The following PRKCE variants were observed in gnomAD, a reference collection of about 807,000 sequenced individuals.
PRKCE encodes protein kinase C epsilon type.
PRKCE carries 16 observed loss-of-function variants against 85.4 expected under a neutral mutation model. The observed-to-expected ratio is 0.19, with a 90% CI of 0.13 to 0.28. The LOEUF is 0.28. Among genes scored for constraint, PRKCE ranks in the 10% least tolerant of loss-of-function variants. The probability of loss-of-function intolerance (pLI) is 1.00; values close to 1 mark genes in which losing one functional copy is unlikely to be tolerated. For synonymous variants in PRKCE, 388 were observed against 371.5 expected (o/e 1.04, Z -0.51); for missense variants, 573 against 975.2 (o/e 0.59, Z 5.49).
At chr2:45,804,339 A>G (rs1484932777) in intron 1 of PRKCE, among the ~76,000 whole-genome samples, 1 of 152,108 alleles carries the variant, frequency 6.6e-6, no homozygotes, top group African/African-American at 2.4e-5. Flanking sequence ...TTTAAAAACC[A>G]CCAGTGTGCA....
intron 1 of PRKCE, among the ~76,000 whole-genome samples, chr2:45,746,224 T>C (rs1192889948): frequency 2.0e-5 from 3 of 152,082 alleles, no homozygotes; most frequent in Non-Finnish European, 4.4e-5. Context: ...TTCCTATATA[T>C]TGATAATTAT....
At chr2:46,057,536 G>A (rs549197883) in intron 10 of PRKCE, among the ~76,000 whole-genome samples, 1 of 151,772 alleles carries the variant, frequency 6.6e-6, no homozygotes, top group Admixed American at 6.6e-5. Flanking sequence ...CCAGGTTCAA[G>A]CTATCATCCT....
chr2:45,688,833 C>A (rs1471222769), intron 1 of PRKCE, among the ~76,000 whole-genome samples: 2 of 152,214 alleles, frequency 1.3e-5, no homozygotes, highest in African/African-American at 4.8e-5. Context: ...TGCAAGTGCT[C>A]CTTGTCCTTG....
rs115771966 is a variant in PRKCE at position 45,803,014 on chromosome 2, G to A, written c.349-39986G>A. ...TTAGATTGGAGCCATTTGGCTCACAGTATGAAAGGTATAGACACGTATTTT... is the reference window on the plus strand; with the variant it reads ...TTAGATTGGAGCCATTTGGCTCACAATATGAAAGGTATAGACACGTATTTT... On this transcript the variant is annotated intron_variant, in intron 1 of 14. Transcript: ENST00000306156. Among the ~76,000 whole-genome samples, 616 of 152,294 alleles carry A rather than the reference G, an allele frequency of 4.0e-3. 4 individuals carry two copies. The highest frequency in any genetic ancestry group is 0.014 in the African/African-American group (593 of 41,552).
At chr2:45,688,917 G>A (rs2104027354) in intron 1 of PRKCE, among the ~76,000 whole-genome samples, 1 of 152,326 alleles carries the variant, frequency 6.6e-6, no homozygotes, top group East Asian at 1.9e-4. Flanking sequence ...CAAATCGTTG[G>A]TTGCTCATCC....
chr2:46,062,200 T>A (rs1021016407), intron 10 of PRKCE, among the ~76,000 whole-genome samples: 20 of 152,174 alleles, frequency 1.3e-4, no homozygotes, highest in Admixed American at 2.0e-4. Flanking sequence ...TCCTGCTGGA[T>A]ATAAAGCCCT....
chr2:46,053,788 T>C (rs1666293834), intron 10 of PRKCE, among the ~76,000 whole-genome samples: 1 of 152,138 alleles, frequency 6.6e-6, no homozygotes, highest in African/African-American at 2.4e-5. Flanking sequence ...GGGTTGCTTC[T>C]GCATTTTTGC....
chr2:45,939,582 G>A (rs1012892682), intron 2 of PRKCE, among the ~76,000 whole-genome samples: 24 of 150,932 alleles, frequency 1.6e-4, no homozygotes, highest in Non-Finnish European at 1.8e-4. Flanking sequence ...TTGAGAAGGC[G>A]TCTCACTCTA....
intron 2 of PRKCE, among the ~76,000 whole-genome samples, chr2:45,859,076 A>G (rs2105633169): frequency 6.7e-6 from 1 of 150,182 alleles, no homozygotes; most frequent in South Asian, 2.1e-4. Context: ...AAATAAATAA[A>G]TAAATAAATA....
intron 2 of PRKCE, among the ~76,000 whole-genome samples, chr2:45,878,635 A>T (rs980337259): frequency 2.0e-5 from 3 of 152,188 alleles, no homozygotes; most frequent in Admixed American, 2.0e-4. Flanking sequence ...AATTTTTTCT[A>T]GCATTTTCAG....
intron 2 of PRKCE, among the ~76,000 whole-genome samples, chr2:45,941,065 T>TAAAAAAAAAAAAA (rs397781944): frequency 1.6e-4 from 11 of 67,160 alleles, no homozygotes; most frequent in East Asian, 2.3e-3. Context: ...GACTTCATCC[T>TAAAAAAAAAAAAA]AAAAAAAAAA....
chr2:45,684,763 G>A (rs1355647992), intron 1 of PRKCE, among the ~76,000 whole-genome samples: 1 of 152,178 alleles, frequency 6.6e-6, no homozygotes, highest in African/African-American at 2.4e-5. Flanking sequence ...AGGTGGCAGT[G>A]CTTTCTGTGA....
In PRKCE at chr2:46,133,007, G is replaced by T. The variant is rs75948052; in HGVS notation, c.1593-12086G>T. Among the ~76,000 whole-genome samples the T allele has an allele frequency of 7.6e-3, 1,160 of 152,282 alleles. 13 individuals carry two copies. Among genetic ancestry groups the T allele is most frequent in the African/African-American group, 0.027 (1,130 of 41,552 alleles). On this transcript the variant is annotated intron_variant, in intron 11 of 14. Transcript: ENST00000306156. ...TCCTCAGCTCTTTATCTGGGCTGGG[G>T]TGACCTAAAAGGGGCTAACCAATCT...
intron 1 of PRKCE, among the ~76,000 whole-genome samples, chr2:45,724,894 A>G (rs1680925420): frequency 6.6e-6 from 1 of 152,226 alleles, no homozygotes; most frequent in Non-Finnish European, 1.5e-5. Context: ...TAAAAGTGCA[A>G]GGTGAAGCAG....
Position 46,083,713 on chromosome 2 carries a change from G to A in PRKCE, c.1438-2495G>A, listed in dbSNP as rs181786214. On this transcript the variant is annotated intron_variant, in intron 10 of 14. Coordinates refer to ENST00000306156, the MANE Select transcript of PRKCE (RefSeq NM_005400.3). Reference sequence around the variant, plus strand: ...TAGAGGATTCAGATTTTCAGACTCCGCCCCAGATCTTCTGAACCAGATATC... The same window carrying A: ...TAGAGGATTCAGATTTTCAGACTCCACCCCAGATCTTCTGAACCAGATATC... Among the ~76,000 whole-genome samples the A allele has an allele frequency of 3.5e-4, 53 of 152,284 alleles. No homozygotes were observed. The South Asian group carries it at 4.6e-3, about 13-fold the overall frequency.
At chr2:45,848,865 T>A (rs188480625) in intron 2 of PRKCE, among the ~76,000 whole-genome samples, 283 of 152,260 alleles carry the variant, frequency 1.9e-3, no homozygotes, top group Middle Eastern at 0.017. Flanking sequence ...GGGACCAGAA[T>A]AACCCAGGAA....
At chr2:45,972,943 C>T (rs1320426011) in intron 2 of PRKCE, among the ~76,000 whole-genome samples, 1 of 152,038 alleles carries the variant, frequency 6.6e-6, no homozygotes, top group Non-Finnish European at 1.5e-5. Context: ...ACTGAACAGC[C>T]AAAGCAATTC....
At chr2:46,099,597 T>G (rs1671020994) in intron 11 of PRKCE, among the ~76,000 whole-genome samples, 1 of 152,146 alleles carries the variant, frequency 6.6e-6, no homozygotes, top group African/African-American at 2.4e-5. Flanking sequence ...AGTTAGTTAT[T>G]TCTTCCCCCT....
chr2:45,842,464 C>G (rs1691434191), intron 1 of PRKCE, among the ~76,000 whole-genome samples: 1 of 152,162 alleles, frequency 6.6e-6, no homozygotes, highest in Non-Finnish European at 1.5e-5. Flanking sequence ...CCCCTGGGAG[C>G]AGTTTCTGTG....
Sources: allele counts gnomAD v4.1 joint callset (sites outside exome capture counted in the v4.1 genomes callset), GRCh38; gene constraint gnomAD v4.1.1; transcripts MANE v1.5; gene names NCBI Gene and HGNC (gene_info 2026-07-23, HGNC 2026-07-21).